COL25A1: variants seen among roughly 807,000 people sequenced by gnomAD.
COL25A1 encodes collagen type XXV alpha 1 chain.
COL25A1 carries 103 observed loss-of-function variants against 128.4 expected under a neutral mutation model. That is an observed-to-expected ratio of 0.80 (90% confidence interval 0.68 to 0.94). The LOEUF (loss-of-function observed/expected upper bound fraction) is 0.94. Among genes scored for constraint, COL25A1 ranks in the 40% least tolerant of loss-of-function variants. The probability of loss-of-function intolerance (pLI) is 0.00; values close to 1 mark genes in which losing one functional copy is unlikely to be tolerated. For synonymous variants in COL25A1, 279 were observed against 277.2 expected, an observed-to-expected ratio of 1.01 and a Z score of -0.06; for missense variants, 745 against 840.0, an observed-to-expected ratio of 0.89 and a Z score of 1.40.
intron 5 of COL25A1, among the ~76,000 whole-genome samples, chr4:109,028,181 G>A (rs142304479): frequency 2.4e-3 from 372 of 152,282 alleles, no homozygotes; most frequent in African/African-American, 8.3e-3. Flanking sequence ...CTGGAGTGCA[G>A]TGGTGCAATC....
At chr4:109,027,136 C>T (rs1303977439) in intron 5 of COL25A1, among the ~76,000 whole-genome samples, 2 of 152,216 alleles carry the variant, frequency 1.3e-5, no homozygotes, top group African/African-American at 4.8e-5. Flanking sequence ...CCCGCTATCA[C>T]TTTTGTGGGA....
chr4:109,237,506 T>C (rs1437842808), intron 3 of COL25A1, among the ~76,000 whole-genome samples: 7 of 151,646 alleles, frequency 4.6e-5, no homozygotes, highest in Non-Finnish European at 1.0e-4. Flanking sequence ...GAAATAAAAA[T>C]CACATGAATA....
intron 3 of COL25A1, among the ~76,000 whole-genome samples, chr4:109,246,622 A>G (rs1780284162): frequency 6.6e-6 from 1 of 152,122 alleles, no homozygotes; most frequent in African/African-American, 2.4e-5. Context: ...AATTTTATAA[A>G]TATTTTAGAA....
chr4:108,843,782 T>A (rs1734742799), intron 30 of COL25A1, among the ~76,000 whole-genome samples: 1 of 152,238 alleles, frequency 6.6e-6, no homozygotes, highest in Non-Finnish European at 1.5e-5. Context: ...TTTATGGATA[T>A]AGTGTGATAT....
chr4:108,953,999 T>G (rs1749760867), intron 8 of COL25A1, among the ~76,000 whole-genome samples: 1 of 152,172 alleles, frequency 6.6e-6, no homozygotes, highest in Non-Finnish European at 1.5e-5. Flanking sequence ...GAACACTGAT[T>G]CTTAAATCAT....
chr4:108,996,609 G>A (rs1309502288), intron 6 of COL25A1, among the ~76,000 whole-genome samples: 1 of 152,122 alleles, frequency 6.6e-6, no homozygotes, highest in Non-Finnish European at 1.5e-5. Context: ...ACTCAGCTCT[G>A]GATCAAGTAG....
At chr4:109,027,276 T>TG (rs912774940) in intron 5 of COL25A1, among the ~76,000 whole-genome samples, 9 of 151,976 alleles carry the variant, frequency 5.9e-5, no homozygotes, top group Non-Finnish European at 1.0e-4. Flanking sequence ...AGGGTGGTCA[T>TG]GGGGGGGCCT....
chr4:109,166,835 C>T (rs1197734959), intron 3 of COL25A1, among the ~76,000 whole-genome samples: 2 of 152,066 alleles, frequency 1.3e-5, no homozygotes, highest in Non-Finnish European at 2.9e-5. Context: ...TTTCAAGAAG[C>T]GTGAAATTCC....
At chr4:108,899,794 T>C (rs1742602518) in intron 14 of COL25A1, among the ~76,000 whole-genome samples, 1 of 152,076 alleles carries the variant, frequency 6.6e-6, no homozygotes, top group South Asian at 2.1e-4. Context: ...TGGGGCAGAA[T>C]TGAAGTGAGT....
At chr4:108,990,394 C>T (rs1754115619) in intron 6 of COL25A1, among the ~76,000 whole-genome samples, 1 of 151,120 alleles carries the variant, frequency 6.6e-6, no homozygotes, top group Non-Finnish European at 1.5e-5. Flanking sequence ...AATCTTACTT[C>T]ACTGAAGAAC....
At chr4:109,019,958 C>T (rs531736533) in intron 5 of COL25A1, among the ~76,000 whole-genome samples, 7 of 152,156 alleles carry the variant, frequency 4.6e-5, no homozygotes, top group South Asian at 2.1e-4. Context: ...CAAATTACTT[C>T]GTAAATTATG....
chr4:108,873,236 A>G lies in COL25A1; in HGVS notation c.1021-4086T>C, dbSNP rs752925837. Among the ~76,000 whole-genome samples the G allele has an allele frequency of 2.0e-5, 3 of 152,200 alleles. No individual in the cohort carries two copies. In the East Asian group the frequency reaches 5.8e-4, roughly 29 times the overall value. On this transcript the variant is annotated intron_variant, in intron 19 of 37. Coordinates refer to ENST00000399132, the MANE Select transcript of COL25A1 (RefSeq NM_198721.4). ...AGAAATAACACAAGACATATTCTAC[A>G]TAAACAAAAGCTCTTTCAATTCTAA...
chr4:109,226,741 T>G (rs1035403304), intron 3 of COL25A1, among the ~76,000 whole-genome samples: 1 of 152,132 alleles, frequency 6.6e-6, no homozygotes, highest in African/African-American at 2.4e-5. Context: ...TTATTTACAT[T>G]TTTAAGGGGG....
intron 4 of COL25A1, among the ~76,000 whole-genome samples, chr4:109,048,556 A>G (rs1560595741): frequency 6.6e-6 from 1 of 152,190 alleles, no homozygotes; most frequent in Admixed American, 6.5e-5. Flanking sequence ...TAATTTCTTG[A>G]GTTTGATAAA....
chr4:108,908,744 A>G (rs929023563), intron 13 of COL25A1, among the ~76,000 whole-genome samples: 1 of 152,134 alleles, frequency 6.6e-6, no homozygotes, highest in Non-Finnish European at 1.5e-5. Context: ...TTTTATTATT[A>G]CTCAAATCAG....
chr4:109,102,898 T>C (rs61442444), intron 3 of COL25A1, among the ~76,000 whole-genome samples: 12,562 of 152,184 alleles, frequency 0.083, 882 homozygotes, highest in Admixed American at 0.25. Context: ...TGCCTTTTAA[T>C]TGGGGGTGTG....
At chr4:109,000,864 A>T (rs1755301443) in intron 6 of COL25A1, among the ~76,000 whole-genome samples, 1 of 141,790 alleles carries the variant, frequency 7.1e-6, no homozygotes, top group Non-Finnish European at 1.6e-5. Flanking sequence ...TAGAAGAAGC[A>T]GCATTCAAAT....
At chr4:109,161,075 C>T (rs996327354) in intron 3 of COL25A1, among the ~76,000 whole-genome samples, 1 of 152,090 alleles carries the variant, frequency 6.6e-6, no homozygotes, top group Admixed American at 6.6e-5. Flanking sequence ...TGGCCTCAAG[C>T]GATCCTCCCA....
intron 3 of COL25A1, among the ~76,000 whole-genome samples, chr4:109,068,342 C>T (rs1254540527): frequency 6.6e-6 from 1 of 151,474 alleles, no homozygotes. Context: ...GGACCTGGTG[C>T]ACATGCAACA....
Sources: allele counts gnomAD v4.1 joint callset (sites outside exome capture counted in the v4.1 genomes callset), GRCh38; gene constraint gnomAD v4.1.1; transcripts MANE v1.5; gene names NCBI Gene and HGNC (gene_info 2026-07-23, HGNC 2026-07-21).